ERICH3: variants seen among roughly 807,000 people sequenced by gnomAD.
The protein encoded by ERICH3 is glutamate-rich protein 3.
ERICH3 carries 126 observed loss-of-function variants against 131.1 expected under a neutral mutation model. The ratio of observed to expected loss-of-function variants is 0.96; its 90% CI spans 0.83 to 1.11. The LOEUF is 1.11. ERICH3 is among the 50% of genes most tolerant of loss of function. ERICH3 has a pLI of 0.00. For synonymous variants in ERICH3, 695 were observed against 644.6 expected (o/e 1.08, Z -1.18); for missense variants, 2,050 against 1,810.7 (o/e 1.13, Z -2.40).
At chr1:74,671,076 C>T (rs1012747715) in intron 1 of ERICH3, among the ~76,000 whole-genome samples, 10 of 152,182 alleles carry the variant, frequency 6.6e-5, no homozygotes, top group African/African-American at 2.2e-4. Context: ...CTCTCAAACC[C>T]TGTTTTCTGT....
upstream of ERICH3, among the ~76,000 whole-genome samples, chr1:74,674,120 C>T (rs564104998): frequency 6.6e-6 from 1 of 152,300 alleles, no homozygotes; most frequent in Non-Finnish European, 1.5e-5. Flanking sequence ...GGACGTCTCT[C>T]AATCTGTTTT....
Position 74,606,593 on chromosome 1 carries a change from T to C in ERICH3, c.1489+8A>G, listed in dbSNP as rs78030038. ...GCTACAACAAAAGAAACTTGTGTTG[T>C]TGATTACCATATTTTAAAGTATTTT... On this transcript the variant is annotated splice_region_variant and intron_variant, in intron 10 of 14. Coordinates refer to ENST00000326665, the MANE Select transcript of ERICH3 (RefSeq NM_001002912.5). The C allele has an allele frequency of 4.7e-3, 7,496 of 1,590,670 alleles. 53 individuals are homozygous for C. Among genetic ancestry groups the C allele is most frequent in the Middle Eastern group, 0.044 (261 of 5,906 alleles).
At chr1:74,664,510 C>T (rs921556806) in intron 1 of ERICH3, among the ~76,000 whole-genome samples, 1 of 152,216 alleles carries the variant, frequency 6.6e-6, no homozygotes, top group East Asian at 1.9e-4. Flanking sequence ...TAAAATATTA[C>T]AATCCATGGC....
At chr1:74,588,917 C>T (rs1265530935) in intron 12 of ERICH3, among the ~76,000 whole-genome samples, 6 of 152,176 alleles carry the variant, frequency 3.9e-5, no homozygotes, top group Admixed American at 3.9e-4. Context: ...TTTCAGAGAA[C>T]TCAAAGGGAA....
chr1:74,636,452 G>A lies in ERICH3; in HGVS notation c.445-14C>T. 1 of 1,587,508 alleles carries A rather than the reference G, an allele frequency of 6.3e-7. No individual in the cohort carries two copies. Among genetic ancestry groups the A allele is most frequent in the Non-Finnish European group, 8.6e-7 (1 of 1,167,068 alleles). ...TCGAGGGGCTGTCTAGACAATTAGG[G>A]GAAAAAATTCCATTTAAATTAGTAT... On this transcript the variant is annotated splice_polypyrimidine_tract_variant and intron_variant, in intron 5 of 14. Coordinates refer to ENST00000326665, the MANE Select transcript of ERICH3 (RefSeq NM_001002912.5).
At chr1:74,653,499 T>C (rs1282852979) in intron 1 of ERICH3, among the ~76,000 whole-genome samples, 1 of 151,900 alleles carries the variant, frequency 6.6e-6, no homozygotes, top group African/African-American at 2.4e-5. Context: ...ATAAGCTAAT[T>C]AATTACCAAG....
chr1:74,591,937 T>G (rs1647626102), intron 11 of ERICH3: 1 of 152,180 alleles, frequency 6.6e-6, no homozygotes, highest in African/African-American at 2.4e-5. Context: ...ATTTGGCAGC[T>G]GTACCGATGG....
chr1:74,581,682 C>A (rs1305844230), intron 12 of ERICH3, among the ~76,000 whole-genome samples: 1 of 152,078 alleles, frequency 6.6e-6, no homozygotes, highest in Non-Finnish European at 1.5e-5. Flanking sequence ...ACATGATAAA[C>A]CAACCTTCTA....
intron 5 of ERICH3, among the ~76,000 whole-genome samples, chr1:74,638,248 C>T (rs919255766): frequency 1.1e-4 from 16 of 152,140 alleles, no homozygotes; most frequent in African/African-American, 2.9e-4. Context: ...GTTAAGTCAA[C>T]ATTTATTGAA....
chr1:74,623,881 C>T (rs1223134739), intron 7 of ERICH3: 3 of 152,270 alleles, frequency 2.0e-5, no homozygotes, highest in East Asian at 1.9e-4. Context: ...TGTCTGGCAA[C>T]GGAACTGATT....
chr1:74,658,345 G>A (rs1364715553), intron 1 of ERICH3, among the ~76,000 whole-genome samples: 1 of 152,124 alleles, frequency 6.6e-6, no homozygotes, highest in Non-Finnish European at 1.5e-5. Context: ...GGTACAAGAT[G>A]TTTATTAGTG....
chr1:74,582,084 C>T (rs566726978), intron 12 of ERICH3, among the ~76,000 whole-genome samples: 1 of 152,114 alleles, frequency 6.6e-6, no homozygotes, highest in Non-Finnish European at 1.5e-5. Context: ...GACTCTCTAC[C>T]CACCAGTGTA....
chr1:74,644,854 T>G (rs550364559), intron 3 of ERICH3, among the ~76,000 whole-genome samples: 1 of 152,176 alleles, frequency 6.6e-6, no homozygotes, highest in South Asian at 2.1e-4. Context: ...TGAAAAACAT[T>G]TCATCGCCTC....
rs1646894145 is a variant in ERICH3 at position 74,568,217 on chromosome 1, A to C, written c.*2241T>G. ...TTTATCAACATAGTATTTGCAGAGAAAGAATTCACTTATTCAAAATATCAC... is the reference window on the plus strand; with the variant it reads ...TTTATCAACATAGTATTTGCAGAGACAGAATTCACTTATTCAAAATATCAC... On this transcript the variant is annotated 3_prime_UTR_variant, in exon 15 of 15. Coordinates refer to ENST00000326665, the MANE Select transcript of ERICH3 (RefSeq NM_001002912.5). 6.6e-6 allele frequency: 1 copy of C among 152,186 alleles called. No homozygotes were observed. The highest frequency in any genetic ancestry group is 1.9e-4 in the East Asian group (1 of 5,198). 9.4% of individuals were successfully genotyped at this position (152,186 alleles called of 1,614,324 possible).
Position 74,599,885 on chromosome 1 carries a change from T to G in ERICH3, c.1536A>C (p.Lys512Asn). The part of the protein sequence containing the change: ...FEVDEEKQGE[K>N]SNEEGQADVQ... The stretch of plus-strand genomic sequence containing the variant: ...CATCAGCCTGTCCTTCTTCATTAGA[T>G]TTTTCACCTTGTTTCTCCTCATCTA... Residue 512 changes from lysine to asparagine, a missense_variant, in exon 11 of 15, where the codon AAA becomes AAC. By Grantham distance (94) the Lys-to-Asn change is moderately conservative. Coordinates refer to ENST00000326665, the MANE Select transcript of ERICH3 (RefSeq NM_001002912.5). 6.2e-7 allele frequency: 1 copy of G among 1,612,020 alleles called. No homozygotes were observed. The highest frequency in any genetic ancestry group is 8.5e-7 in the Non-Finnish European group (1 of 1,178,782).
chr1:74,659,155 C>T (rs967517516), intron 1 of ERICH3, among the ~76,000 whole-genome samples: 2 of 152,130 alleles, frequency 1.3e-5, no homozygotes, highest in Admixed American at 6.5e-5. Context: ...GAATAAGTGC[C>T]TGGCCATTTG....
intron 5 of ERICH3, among the ~76,000 whole-genome samples, chr1:74,640,970 T>A (rs949254672): frequency 1.3e-5 from 2 of 151,936 alleles, no homozygotes; most frequent in South Asian, 4.1e-4. Context: ...GCAGAAAAAA[T>A]TTGGAATAGC....
At chr1:74,605,830 G>A (rs1164515117) in intron 10 of ERICH3, among the ~76,000 whole-genome samples, 4 of 151,822 alleles carry the variant, frequency 2.6e-5, no homozygotes, top group African/African-American at 4.8e-5. Flanking sequence ...AAACAGAGAT[G>A]AAGTGAGCAC....
intron 2 of ERICH3, among the ~76,000 whole-genome samples, chr1:74,648,757 A>G (rs1004642101): frequency 1.3e-5 from 2 of 152,174 alleles, no homozygotes; most frequent in African/African-American, 4.8e-5. Flanking sequence ...AAATACACTA[A>G]TATTATCAAT....
Sources: allele counts gnomAD v4.1 joint callset (sites outside exome capture counted in the v4.1 genomes callset), GRCh38; gene constraint gnomAD v4.1.1; transcripts MANE v1.5; gene names NCBI Gene and HGNC (gene_info 2026-07-23, HGNC 2026-07-21).